The following ROBO1 variants were observed in gnomAD, a reference collection of about 807,000 sequenced individuals.
The protein encoded by ROBO1 is roundabout guidance receptor 1.
A neutral mutation model predicts 195.9 loss-of-function variants in ROBO1; 149 were observed. The ratio of observed to expected loss-of-function variants is 0.76; its 90% CI spans 0.67 to 0.87. ROBO1 has a LOEUF of 0.87. Ranked by LOEUF, ROBO1 falls within the 40% of genes least tolerant of loss-of-function variation. The pLI, the probability that ROBO1 is intolerant of heterozygous loss-of-function variation, is 0.00. For missense variants in ROBO1, 1,933 were observed against 2,068.3 expected (o/e 0.93, Z 1.27); for synonymous variants, 816 against 733.2 (o/e 1.11, Z -1.82).
At chr3:79,220,980 C>T (rs1042639395) in intron 2 of ROBO1, among the ~76,000 whole-genome samples, 1 of 151,900 alleles carries the variant, frequency 6.6e-6, no homozygotes, top group Admixed American at 6.6e-5. Flanking sequence ...ACAACCTTAA[C>T]CCTGTAGTGA....
intron 2 of ROBO1, among the ~76,000 whole-genome samples, chr3:79,493,647 A>T (rs1461226025): frequency 6.6e-6 from 1 of 152,034 alleles, no homozygotes; most frequent in African/African-American, 2.4e-5. Context: ...TAAATAATTT[A>T]AAAAATCAAA....
intron 2 of ROBO1, among the ~76,000 whole-genome samples, chr3:79,189,917 G>A (rs1390124750): frequency 6.6e-6 from 1 of 151,532 alleles, no homozygotes; most frequent in Middle Eastern, 3.2e-3. Context: ...ACACTAAATG[G>A]ATTTACAGTA....
intron 2 of ROBO1, among the ~76,000 whole-genome samples, chr3:79,552,340 T>G (rs2107679123): frequency 6.6e-6 from 1 of 152,200 alleles, no homozygotes; most frequent in African/African-American, 2.4e-5. Context: ...TATGTTAGAT[T>G]CAATGTAGCA....
intron 2 of ROBO1, among the ~76,000 whole-genome samples, chr3:79,207,738 C>A (rs1042531369): frequency 2.7e-5 from 4 of 148,976 alleles, no homozygotes; most frequent in Non-Finnish European, 5.9e-5. Flanking sequence ...CCCCTAATTT[C>A]TTTTACATGG....
chr3:78,746,506 A>G (rs901756964), intron 5 of ROBO1, among the ~76,000 whole-genome samples: 1 of 152,202 alleles, frequency 6.6e-6, no homozygotes, highest in Non-Finnish European at 1.5e-5. Context: ...CTGAGACACT[A>G]AAACAGGAAT....
At chr3:79,146,767 C>T (rs1378632) in intron 2 of ROBO1, among the ~76,000 whole-genome samples, 110,748 of 151,744 alleles carry the variant, frequency 0.73, 40,572 homozygotes, top group East Asian at 0.79. Context: ...ATAGAAAATG[C>T]TCAGTATCCA....
intron 3 of ROBO1, among the ~76,000 whole-genome samples, chr3:78,943,712 C>T (rs1047064338): frequency 1.1e-4 from 16 of 152,092 alleles, no homozygotes; most frequent in Non-Finnish European, 2.4e-4. Context: ...TCCCACTGAA[C>T]TTTGCTTCTA....
chr3:78,790,158 G>A (rs2083973218), intron 4 of ROBO1, among the ~76,000 whole-genome samples: 1 of 151,906 alleles, frequency 6.6e-6, no homozygotes, highest in Non-Finnish European at 1.5e-5. Flanking sequence ...TAACTTTCTT[G>A]TTCTTCTTAT....
intron 4 of ROBO1, among the ~76,000 whole-genome samples, chr3:78,910,606 G>A (rs2038184879): frequency 1.3e-5 from 2 of 152,070 alleles, no homozygotes; most frequent in South Asian, 2.1e-4. Flanking sequence ...TTAGGATGGA[G>A]AGAAATGAGA....
intron 4 of ROBO1, among the ~76,000 whole-genome samples, chr3:78,888,470 A>C (rs2036692890): frequency 6.6e-6 from 1 of 152,224 alleles, no homozygotes; most frequent in South Asian, 2.1e-4. Flanking sequence ...TTGTATTCTT[A>C]AAACAAGCCA....
intron 4 of ROBO1, among the ~76,000 whole-genome samples, chr3:78,783,656 T>C (rs1576158030): frequency 6.6e-6 from 1 of 152,184 alleles, no homozygotes; most frequent in Admixed American, 6.5e-5. Flanking sequence ...CTGGAGGAGA[T>C]AAATTCCTCT....
At chr3:78,738,719 G>T (rs11927671) in intron 5 of ROBO1, among the ~76,000 whole-genome samples, 84,827 of 151,864 alleles carry the variant, frequency 0.56, 24,564 homozygotes, top group East Asian at 0.75. Context: ...GGTTTTCCTA[G>T]GTAAGGTAAA....
intron 2 of ROBO1, among the ~76,000 whole-genome samples, chr3:79,561,558 T>C (rs768064895): frequency 6.6e-6 from 1 of 152,128 alleles, no homozygotes; most frequent in African/African-American, 2.4e-5. Flanking sequence ...ATGCTGTAGA[T>C]TGTAAATTTT....
chr3:79,417,771 C>A (rs2038064597), intron 2 of ROBO1, among the ~76,000 whole-genome samples: 1 of 152,098 alleles, frequency 6.6e-6, no homozygotes, highest in Non-Finnish European at 1.5e-5. Context: ...CAATTGCATT[C>A]TAATCAATCC....
chr3:79,269,460 G>C (rs1030684993), intron 2 of ROBO1, among the ~76,000 whole-genome samples: 1 of 151,650 alleles, frequency 6.6e-6, no homozygotes, highest in South Asian at 2.1e-4. Flanking sequence ...TTTTTTACTA[G>C]TTGGGGACAA....
intron 3 of ROBO1, among the ~76,000 whole-genome samples, chr3:79,092,784 T>C (rs1041153776): frequency 6.6e-6 from 1 of 152,124 alleles, no homozygotes; most frequent in African/African-American, 2.4e-5. Flanking sequence ...TATCAGTGAC[T>C]ACCCAGGATA....
intron 1 of ROBO1, among the ~76,000 whole-genome samples, chr3:79,689,980 T>A (rs1286580568): frequency 6.6e-6 from 1 of 152,018 alleles, no homozygotes. Context: ...GTGAAGTGAT[T>A]AATCAAGATC....
At chr3:78,842,431 TTTTA>T (rs2033314683) in intron 4 of ROBO1, among the ~76,000 whole-genome samples, 2 of 670 alleles carry the variant, frequency 3.0e-3, no homozygotes, top group African/African-American at 5.2e-3. Flanking sequence ...CCATATATAT[TTTTA>T]TATATATGAG....
chr3:79,361,149 AATG>A (rs2035753259), intron 2 of ROBO1, among the ~76,000 whole-genome samples: 1 of 152,090 alleles, frequency 6.6e-6, no homozygotes, highest in African/African-American at 2.4e-5. Flanking sequence ...CAGAAAGATA[AATG>A]ATAGTTGTAT....
Sources: allele counts gnomAD v4.1 joint callset (sites outside exome capture counted in the v4.1 genomes callset), GRCh38; gene constraint gnomAD v4.1.1; transcripts MANE v1.5; gene names NCBI Gene and HGNC (gene_info 2026-07-23, HGNC 2026-07-21).